The following CXXC5 variants were observed in gnomAD, a reference collection of about 807,000 sequenced individuals.
The protein encoded by CXXC5 is CXXC-type zinc finger protein 5.
In CXXC5, 2 loss-of-function variants were observed where a neutral mutation model predicts 17.6. The ratio of observed to expected loss-of-function variants is 0.11; its 90% CI spans 0.05 to 0.36. The LOEUF (loss-of-function observed/expected upper bound fraction) is 0.36. CXXC5 is among the 10% of genes least tolerant of loss of function. The pLI is 1.00. For missense variants in CXXC5, 343 were observed against 458.3 expected (o/e 0.75, Z 2.30); for synonymous variants, 171 against 193.0 (o/e 0.89, Z 0.94).
In CXXC5 at chr5:139,682,998, C is replaced by T. The variant is rs1450258812; in HGVS notation, c.*91C>T. 7.6e-6 allele frequency: 9 copies of T among 1,179,384 alleles called. No homozygotes were observed. The highest frequency in any genetic ancestry group is 1.0e-5 in the Non-Finnish European group (9 of 878,092). 73.1% of individuals were successfully genotyped at this position (1,179,384 alleles called of 1,614,324 possible). On this transcript the variant is annotated 3_prime_UTR_variant, in exon 3 of 3. Coordinates refer to ENST00000302517, the MANE Select transcript of CXXC5 (RefSeq NM_016463.9). ...ATTCGGGCGAAGACAAACGGATGCACCCGTCTTTAGAACCAAAAATATTCT... is the reference window on the plus strand; with the variant it reads ...ATTCGGGCGAAGACAAACGGATGCATCCGTCTTTAGAACCAAAAATATTCT...
Position 139,670,017 on chromosome 5 carries a change from G to C in CXXC5, c.-160-10347G>C, listed in dbSNP as rs1215048814. 1.3e-5 allele frequency among the ~76,000 whole-genome samples: 2 copies of C among 152,358 alleles called. No homozygotes were observed. Among genetic ancestry groups the C allele is most frequent in the South Asian group, 2.1e-4 (1 of 4,824 alleles). On this transcript the variant is annotated intron_variant, in intron 1 of 2. Transcript: ENST00000302517. The surrounding 1 kb of genome is among the most constrained non-coding windows in gnomAD (Gnocchi z 4.2). ...GACCCTGGCCTGGGGGAGGTGCTGG[G>C]GGGGTTCTGCAGCACTGTGGCGGCG...
intron 1 of CXXC5, among the ~76,000 whole-genome samples, chr5:139,655,323 C>T (rs1755430481): frequency 6.6e-6 from 1 of 152,092 alleles, no homozygotes; most frequent in Admixed American, 6.5e-5. Flanking sequence ...TGGCTAGTCT[C>T]CTGCTTCCTA....
Position 139,661,696 on chromosome 5 carries a change from A to C in CXXC5, c.-161+12851A>C, listed in dbSNP as rs898054273. 2.0e-5 allele frequency among the ~76,000 whole-genome samples: 3 copies of C among 152,232 alleles called. No individual in the cohort carries two copies. The highest frequency in any genetic ancestry group is 7.2e-5 in the African/African-American group (3 of 41,458). On this transcript the variant is annotated intron_variant, in intron 1 of 2. Coordinates refer to ENST00000302517, the MANE Select transcript of CXXC5 (RefSeq NM_016463.9). This position sits in a 1 kb window ranked among gnomAD's most constrained non-coding sequence, Gnocchi z 4.7. ...AGAGTGGGCCAGGGCACTGGCACAC[A>C]CAGGCGCAGCTGCTGTGGTCAGGGC...
At chr5:139,667,257 C>T (rs1362490461) in intron 1 of CXXC5, among the ~76,000 whole-genome samples, 2 of 152,192 alleles carry the variant, frequency 1.3e-5, no homozygotes, top group Non-Finnish European at 2.9e-5. Context: ...CTCCTCCCAC[C>T]TCACCTCCTC....
At chr5:139,660,835 T>C (rs1264623624) in intron 1 of CXXC5, among the ~76,000 whole-genome samples, 2 of 152,018 alleles carry the variant, frequency 1.3e-5, no homozygotes, top group Non-Finnish European at 2.9e-5. Context: ...TAGAGCTGCA[T>C]TTAGTCTGGA....
At chr5:139,669,890 C>T (rs975394445) in intron 1 of CXXC5, among the ~76,000 whole-genome samples, 9 of 152,206 alleles carry the variant, frequency 5.9e-5, no homozygotes, top group Non-Finnish European at 1.2e-4. Flanking sequence ...CCAGACCCCC[C>T]AACCCCATCC....
chr5:139,652,171 C>CGTGTGTGTGTGT (rs70988712), intron 1 of CXXC5, among the ~76,000 whole-genome samples: 6 of 114,996 alleles, frequency 5.2e-5, no homozygotes, highest in Admixed American at 9.3e-5. Flanking sequence ...CGCGCGCGCG[C>CGTGTGTGTGTGT]GTGTGTGTGT....
chr5:139,674,572 G>A (rs539472294), intron 1 of CXXC5, among the ~76,000 whole-genome samples: 2 of 152,378 alleles, frequency 1.3e-5, no homozygotes, highest in African/African-American at 4.8e-5. Flanking sequence ...AAGGAATGGC[G>A]GGGATGGTGC....
At chr5:139,673,579 C>T (rs1313135652) in intron 1 of CXXC5, among the ~76,000 whole-genome samples, 4 of 152,200 alleles carry the variant, frequency 2.6e-5, no homozygotes, top group Non-Finnish European at 4.4e-5. Flanking sequence ...CGGTGGCTCA[C>T]GCCTGTAACC....
At chr5:139,655,145 G>T (rs1193586316) in intron 1 of CXXC5, among the ~76,000 whole-genome samples, 1 of 152,150 alleles carries the variant, frequency 6.6e-6, no homozygotes, top group East Asian at 1.9e-4. Context: ...CTAGGGAAGA[G>T]GGAACTGCAG....
chr5:139,674,642 A>T (rs356452), intron 1 of CXXC5, among the ~76,000 whole-genome samples: 3 of 152,054 alleles, frequency 2.0e-5, no homozygotes, highest in Admixed American at 6.5e-5. Flanking sequence ...GATTTACTAA[A>T]AATCATTAAA....
At position 139,663,928 on chromosome 5, in the gene CXXC5, G is replaced by C. The variant is rs1003906564; in HGVS notation, c.-161+15083G>C. ...AACCTGTCTGAGGTCACCTAGGCTG[G>C]AGGCTGCAGAGCTAGGAGAGGAATC... is the stretch of plus-strand genomic sequence containing the variant. On this transcript the variant is annotated intron_variant, in intron 1 of 2. Coordinates refer to ENST00000302517, the MANE Select transcript of CXXC5 (RefSeq NM_016463.9). The surrounding 1 kb of genome is among the most constrained non-coding windows in gnomAD (Gnocchi z 4.2). Among the ~76,000 whole-genome samples the C allele has an allele frequency of 4.6e-5, 7 of 152,194 alleles. No individual in the cohort carries two copies. The highest frequency in any genetic ancestry group is 1.7e-4 in the African/African-American group (7 of 41,436).
chr5:139,673,244 A>G (rs1453574825), intron 1 of CXXC5, among the ~76,000 whole-genome samples: 2 of 152,220 alleles, frequency 1.3e-5, no homozygotes, highest in African/African-American at 4.8e-5. Flanking sequence ...GGCACATAGG[A>G]AGAGCCCCAT....
intron 1 of CXXC5, among the ~76,000 whole-genome samples, chr5:139,662,018 C>T (rs559198209): frequency 9.8e-5 from 15 of 152,302 alleles, no homozygotes; most frequent in African/African-American, 2.2e-4. Context: ...CAGGGAAAGT[C>T]GATTTCCCCA....
chr5:139,678,027 A>G (rs1756955884), intron 1 of CXXC5, among the ~76,000 whole-genome samples: 1 of 152,262 alleles, frequency 6.6e-6, no homozygotes, highest in Non-Finnish European at 1.5e-5. Context: ...GGGGACGCAC[A>G]CAGGGGCTGG....
At chr5:139,680,307 C>G (rs959220922) in intron 1 of CXXC5, 57 bp from the exon 2 acceptor site, 1 of 616,502 alleles carries the variant, frequency 1.6e-6, no homozygotes, top group Non-Finnish European at 2.8e-6. Flanking sequence ...GCGGTGGTGG[C>G]GATGTTGAAG....
chr5:139,658,503 C>A lies in CXXC5; in HGVS notation c.-161+9658C>A, dbSNP rs1247885092. Among the ~76,000 whole-genome samples the A allele has an allele frequency of 4.6e-5, 7 of 152,230 alleles. No individual in the cohort carries two copies. Among genetic ancestry groups the A allele is most frequent in the South Asian group, 4.1e-4 (2 of 4,830 alleles). ...AAATACCTGTTCTGCCCCTAGCCAGCCCCTCTCTGGAGCTCTAGCCGGTGT... is the reference window on the plus strand; with the variant it reads ...AAATACCTGTTCTGCCCCTAGCCAGACCCTCTCTGGAGCTCTAGCCGGTGT... On this transcript the variant is annotated intron_variant, in intron 1 of 2. Coordinates refer to ENST00000302517, the MANE Select transcript of CXXC5 (RefSeq NM_016463.9). The surrounding 1 kb of genome is among the most constrained non-coding windows in gnomAD (Gnocchi z 4.1).
chr5:139,662,405 G>A (rs1430609492), intron 1 of CXXC5, among the ~76,000 whole-genome samples: 1 of 152,084 alleles, frequency 6.6e-6, no homozygotes, highest in Non-Finnish European at 1.5e-5. Context: ...GCACTGGGCA[G>A]AAATAAGGAT....
At chr5:139,655,724 C>T (rs1036075785) in intron 1 of CXXC5, among the ~76,000 whole-genome samples, 1 of 151,948 alleles carries the variant, frequency 6.6e-6, no homozygotes, top group African/African-American at 2.4e-5. Flanking sequence ...CCTGTCCACC[C>T]CCCAACCACT....
Sources: allele counts gnomAD v4.1 joint callset (sites outside exome capture counted in the v4.1 genomes callset), GRCh38; gene constraint gnomAD v4.1.1; non-coding constraint Gnocchi (gnomAD v3.1); transcripts MANE v1.5; gene names NCBI Gene and HGNC (gene_info 2026-07-23, HGNC 2026-07-21).